Variants in LRATD1 observed in about 807,000 individuals in gnomAD.
LRATD1 encodes LRAT domain containing 1.
In LRATD1, 8 loss-of-function variants were observed where a neutral mutation model predicts 21.3. That is an observed-to-expected ratio of 0.38 (90% CI 0.22 to 0.68). The LOEUF (loss-of-function observed/expected upper bound fraction) is 0.68, where lower values mean the gene tolerates loss of function less well. LRATD1 is among the 30% of genes least tolerant of loss of function. The probability of loss-of-function intolerance (pLI) is 0.54; values close to 1 mark genes in which losing one functional copy is unlikely to be tolerated. For missense variants in LRATD1, 380 were observed against 404.0 expected (o/e 0.94, Z 0.51); for synonymous variants, 210 against 186.2 (o/e 1.13, Z -1.04).
rs574661755 is a variant in LRATD1 at position 14,635,521 on chromosome 2, T to C, written c.*663T>C. On this transcript the variant is annotated 3_prime_UTR_variant, in exon 2 of 2. Transcript: ENST00000295092. ...GCTGCGGGCTAAGCCAGACAGTGTTTGCCTCCGGTTCTTTCCACCGTGGGA... is the reference window on the plus strand; with the variant it reads ...GCTGCGGGCTAAGCCAGACAGTGTTCGCCTCCGGTTCTTTCCACCGTGGGA... 761 of 471,204 alleles carry C rather than the reference T, an allele frequency of 1.6e-3. 3 individuals carry two copies. The highest frequency in any genetic ancestry group is 1.6e-3 in the Non-Finnish European group (358 of 227,072). 29.2% of individuals were successfully genotyped at this position (471,204 alleles called of 1,614,324 possible). A position where few individuals can be genotyped will look rare whatever the true frequency, so the allele number is the denominator to read the frequency against.
downstream of LRATD1, among the ~76,000 whole-genome samples, chr2:14,644,657 G>A (rs1671865620): frequency 2.6e-5 from 4 of 152,126 alleles, no homozygotes; most frequent in Admixed American, 2.0e-4. Context: ...ACAGGGTTGG[G>A]ACAGGTTCTT....
At position 14,634,438 on chromosome 2, in the gene LRATD1, C is replaced by A. The variant is rs907137163; in HGVS notation, c.459C>A (p.Ile153=). The A allele has an allele frequency of 6.6e-7, 1 of 1,525,538 alleles. No homozygotes were observed. The highest frequency in any genetic ancestry group is 2.1e-5 in the Admixed American group (1 of 46,694). 94.5% of individuals were successfully genotyped at this position (1,525,538 alleles called of 1,614,324 possible). A position where few individuals can be genotyped will look rare whatever the true frequency, so the allele number is the denominator to read the frequency against. ...CCGTCTACGTGGGCGGCGGGCAGAT[C>A]ATCCACCTGCACCAAGGCGAGATCC... ...HWAVYVGGGQ[I]IHLHQGEIRQ... The change falls in exon 2 of 2, where the codon ATC becomes ATA. Residue 153 remains isoleucine, a synonymous_variant. Coordinates refer to ENST00000295092, the MANE Select transcript of LRATD1 (RefSeq NM_145175.4).
chr2:14,635,347 A>C lies in LRATD1; in HGVS notation c.*489A>C. 2.1e-6 allele frequency: 1 copy of C among 476,498 alleles called. No individual in the cohort carries two copies. The highest frequency in any genetic ancestry group is 6.9e-5 in the East Asian group (1 of 14,562). 29.5% of individuals were successfully genotyped at this position (476,498 alleles called of 1,614,324 possible). A position where few individuals can be genotyped will look rare whatever the true frequency, so the allele number is the denominator to read the frequency against. On this transcript the variant is annotated 3_prime_UTR_variant, in exon 2 of 2. Transcript: ENST00000295092. ...TCAGCTCCTCTGTGGATGCGTCCCC[A>C]GATCGCAGGATTTCCAAGAAATCGA...
At chr2:14,643,121 C>T (rs1671832420), downstream of LRATD1, among the ~76,000 whole-genome samples, 1 of 151,934 alleles carries the variant, frequency 6.6e-6, no homozygotes, top group African/African-American at 2.4e-5. Flanking sequence ...TTGCTTATGC[C>T]CTGAGAGCAA....
intron 3 of LRATD1, chr2:14,646,385 T>C (rs1333762943): frequency 6.6e-6 from 1 of 152,178 alleles, no homozygotes; most frequent in Non-Finnish European, 1.5e-5. Flanking sequence ...ATTCTTTTGT[T>C]TTTCATCCTC....
rs1245473778 is a variant in LRATD1, at chr2:14,633,784, A to G, written c.-36-160A>G. ...CTGTGGCGGCTTCTCCGCCCCTCGT[A>G]CCCCTGGGGAGGCACGGAGGACTCG... On this transcript the variant is annotated intron_variant, in intron 1 of 1. Transcript: ENST00000295092. This position sits in a 1 kb window ranked among gnomAD's most constrained non-coding sequence, Gnocchi z 7.5. The G allele has an allele frequency of 2.9e-6, 2 of 684,832 alleles. No homozygotes were observed. The highest frequency in any genetic ancestry group is 1.8e-5 in the African/African-American group (1 of 55,068). The allele number at this position is 684,832 out of a possible 1,614,324, so 42.4% of individuals were successfully genotyped here.
At chr2:14,646,953 A>C (rs1467136345) in intron 4 of LRATD1, among the ~76,000 whole-genome samples, 1 of 152,216 alleles carries the variant, frequency 6.6e-6, no homozygotes, top group East Asian at 1.9e-4. Flanking sequence ...AAACCCACTC[A>C]GTAAATAGTC....
At position 14,634,837 on chromosome 2, in the gene LRATD1, C is replaced by G. The variant is rs778500896; in HGVS notation, c.858C>G (p.Asp286Glu). Residue 286 changes from aspartate to glutamate, a missense_variant, in exon 2 of 2, where the codon GAC (aspartate) becomes GAG (glutamate). Coordinates refer to ENST00000295092, the MANE Select transcript of LRATD1 (RefSeq NM_145175.4). Reference protein sequence around the residue: ...GRLRVLQELADLVDDKE With the variant: ...GRLRVLQELAELVDDKE ...TGCGAGTGCTCCAGGAGCTCGCCGA[C>G]CTCGTGGACGACAAGGAGTAGCCGC... The G allele has an allele frequency of 6.2e-7, 1 of 1,609,472 alleles. No individual in the cohort carries two copies. Among genetic ancestry groups the G allele is most frequent in the South Asian group, 1.1e-5 (1 of 90,798 alleles).
chr2:14,632,895 G>A lies in LRATD1; in HGVS notation c.-79G>A, dbSNP rs949758578. 1 of 152,664 alleles carries A rather than the reference G, an allele frequency of 6.6e-6. No homozygotes were observed. The highest frequency in any genetic ancestry group is 2.4e-5 in the African/African-American group (1 of 41,466). 9.5% of individuals were successfully genotyped at this position (152,664 alleles called of 1,614,324 possible). ...TCCTCAGCACCCATGGGGACCAGGA[G>A]ACTTTAAAGGAGTTTGGGGTTTCGG... On this transcript the variant is annotated 5_prime_UTR_variant, in exon 1 of 2. Transcript: ENST00000295092.
In LRATD1 at chr2:14,634,975, C is replaced by T. The variant is rs1314874038; in HGVS notation, c.*117C>T. 3.0e-6 allele frequency: 4 copies of T among 1,353,576 alleles called. No individual in the cohort carries two copies. Among genetic ancestry groups the T allele is most frequent in the African/African-American group, 1.5e-5 (1 of 67,998 alleles). The allele number at this position is 1,353,576 out of a possible 1,614,324, so 83.8% of individuals were successfully genotyped here. The stretch of plus-strand genomic sequence containing the variant: ...TCTGCCCCGCCCCGCCACGCGCGTC[C>T]GCCGCCGGTGGCCCGGGCCCGGGCT... On this transcript the variant is annotated 3_prime_UTR_variant, in exon 2 of 2. Transcript: ENST00000295092.
chr2:14,637,938 T>C lies in LRATD1; in HGVS notation c.*3080T>C, dbSNP rs1217690466. On this transcript the variant is annotated 3_prime_UTR_variant, in exon 2 of 2. Coordinates refer to ENST00000295092, the MANE Select transcript of LRATD1 (RefSeq NM_145175.4). ...TCAAGAGACAACAGGTTCACAGTAA[T>C]TTCCATGATGTTGGGTGTGGCTAAG... 6.0e-6 allele frequency: 1 copy of C among 167,022 alleles called. No homozygotes were observed. Among genetic ancestry groups the C allele is most frequent in the Non-Finnish European group, 1.5e-5 (1 of 68,104 alleles). 10.3% of individuals were successfully genotyped at this position (167,022 alleles called of 1,614,324 possible). A position where few individuals can be genotyped will look rare whatever the true frequency, so the allele number is the denominator to read the frequency against.
chr2:14,642,417 G>T (rs999519249), downstream of LRATD1, among the ~76,000 whole-genome samples: 1 of 152,148 alleles, frequency 6.6e-6, no homozygotes, highest in African/African-American at 2.4e-5. Flanking sequence ...TGAGGTAGTT[G>T]TGGGTGTTGC....
chr2:14,640,097 T>C (rs978072243), downstream of LRATD1: 26 of 166,888 alleles, frequency 1.6e-4, no homozygotes, highest in African/African-American at 6.0e-4. Flanking sequence ...AAAAGCAAAA[T>C]AGTTCCAACT....
chr2:14,646,620 G>A (rs1014560284), intron 4 of LRATD1, among the ~76,000 whole-genome samples: 1 of 152,280 alleles, frequency 6.6e-6, no homozygotes, highest in African/African-American at 2.4e-5. Flanking sequence ...GATAAAAAGT[G>A]TATTTGCAAT....
chr2:14,638,959 C>T lies in LRATD1; in HGVS notation c.*4101C>T, dbSNP rs1191245670. On this transcript the variant is annotated 3_prime_UTR_variant, in exon 2 of 2. Transcript: ENST00000295092. ...AATTACTAGCTATTGGTATAATATA[C>T]ATATATGTACATGTATACATATACA... 6.0e-6 allele frequency: 1 copy of T among 166,574 alleles called. No individual in the cohort carries two copies. The highest frequency in any genetic ancestry group is 6.6e-5 in the Admixed American group (1 of 15,250). The allele number at this position is 166,574 out of a possible 1,614,324, so 10.3% of individuals were successfully genotyped here.
chr2:14,640,187 A>G (rs1373776555), downstream of LRATD1: 1 of 163,530 alleles, frequency 6.1e-6, no homozygotes, highest in East Asian at 1.9e-4. Context: ...TTCCTTCAGA[A>G]GGAAGCTTAT....
chr2:14,646,576 A>G (rs1216597685), intron 4 of LRATD1: 1 of 152,236 alleles, frequency 6.6e-6, no homozygotes, highest in Non-Finnish European at 1.5e-5. Flanking sequence ...ACGTCAATGC[A>G]TAGCATGCTT....
rs1572297798 is a variant in LRATD1, at chr2:14,636,999, G to A, written c.*2141G>A. On this transcript the variant is annotated 3_prime_UTR_variant, in exon 2 of 2. Transcript: ENST00000295092. ...TTTTAAAAAATGTTTAAATGCATAT[G>A]CTTTTCTTTCAGCACAAACAACAGC... is the stretch of plus-strand genomic sequence containing the variant. 1.2e-5 allele frequency: 2 copies of A among 167,058 alleles called. No homozygotes were observed. The highest frequency in any genetic ancestry group is 4.1e-4 in the South Asian group (2 of 4,822). The allele number at this position is 167,058 out of a possible 1,614,324, so 10.3% of individuals were successfully genotyped here.
chr2:14,635,271 G>A lies in LRATD1; in HGVS notation c.*413G>A, dbSNP rs1671660711. On this transcript the variant is annotated 3_prime_UTR_variant, in exon 2 of 2. Coordinates refer to ENST00000295092, the MANE Select transcript of LRATD1 (RefSeq NM_145175.4). ...AAAAGGGACCATCACCGCCCCGAGC[G>A]TGCGCACACAGACCGGTCGGAGGCG... The A allele has an allele frequency of 2.0e-6, 1 of 503,468 alleles. No individual in the cohort carries two copies. Among genetic ancestry groups the A allele is most frequent in the Non-Finnish European group, 4.0e-6 (1 of 249,012 alleles). The allele number at this position is 503,468 out of a possible 1,614,324, so 31.2% of individuals were successfully genotyped here. A position where few individuals can be genotyped will look rare whatever the true frequency, so the allele number is the denominator to read the frequency against.
Sources: allele counts gnomAD v4.1 joint callset (sites outside exome capture counted in the v4.1 genomes callset), GRCh38; gene constraint gnomAD v4.1.1; non-coding constraint Gnocchi (gnomAD v3.1); transcripts MANE v1.5; gene names NCBI Gene and HGNC (gene_info 2026-07-23, HGNC 2026-07-21).